The following ADAMTSL3 variants were observed in gnomAD, a reference collection of about 807,000 sequenced individuals.
ADAMTSL3 encodes the protein ADAMTS-like protein 3.
ADAMTSL3 carries 128 observed loss-of-function variants against 201.7 expected under a neutral mutation model. The ratio of observed to expected loss-of-function variants is 0.63; its 90% CI spans 0.55 to 0.73. ADAMTSL3 has a LOEUF of 0.73. Among genes scored for constraint, ADAMTSL3 ranks in the 30% least tolerant of loss-of-function variants. ADAMTSL3 has a pLI of 0.00. For missense variants in ADAMTSL3, 1,990 were observed against 2,119.6 expected (o/e 0.94, Z 1.20); for synonymous variants, 738 against 748.4 (o/e 0.99, Z 0.23).
At position 83,923,886 on chromosome 15, in the gene ADAMTSL3, C is replaced by T. The variant is rs1273531152; in HGVS notation, c.1988-18C>T. 3 of 1,609,878 alleles carry T rather than the reference C, an allele frequency of 1.9e-6. No homozygotes were observed. The highest frequency in any genetic ancestry group is 1.7e-5 in the Admixed American group (1 of 58,894). On this transcript the variant is annotated intron_variant, in intron 16 of 29. Transcript: ENST00000286744. ...TTATTCCATGTCATTTGCATTTTTT[C>T]CTCTTTCTAACCTGCAGGCCATCAA...
intron 2 of ADAMTSL3, among the ~76,000 whole-genome samples, chr15:83,674,052 G>GTT (rs35560182): frequency 0.1 from 14,198 of 136,544 alleles, 929 homozygotes; most frequent in East Asian, 0.36. Flanking sequence ...TTATTTTTAT[G>GTT]TTTTTTTTTT....
chr15:83,840,661 A>G (rs2064354602), intron 7 of ADAMTSL3, among the ~76,000 whole-genome samples: 1 of 152,210 alleles, frequency 6.6e-6, no homozygotes, highest in Non-Finnish European at 1.5e-5. Context: ...GTACAAAGAT[A>G]GAGGAGTAGC....
intron 19 of ADAMTSL3, among the ~76,000 whole-genome samples, chr15:83,945,372 G>A (rs190865617): frequency 6.6e-6 from 1 of 152,322 alleles, no homozygotes; most frequent in African/African-American, 2.4e-5. Context: ...AGGACAGGTA[G>A]AAGGTCTGTC....
chr15:83,665,552 A>G (rs553650661), intron 2 of ADAMTSL3, among the ~76,000 whole-genome samples: 2 of 152,326 alleles, frequency 1.3e-5, no homozygotes, highest in South Asian at 4.1e-4. Flanking sequence ...CATAACAGAA[A>G]AAACTTAGGC....
intron 5 of ADAMTSL3, among the ~76,000 whole-genome samples, chr15:83,804,991 C>T (rs947207814): frequency 2.0e-5 from 3 of 152,136 alleles, no homozygotes; most frequent in Admixed American, 2.0e-4. Flanking sequence ...TGTTCATTAT[C>T]TTACCTGACC....
intron 8 of ADAMTSL3, among the ~76,000 whole-genome samples, chr15:83,864,697 C>A (rs1301954513): frequency 3.3e-5 from 5 of 152,206 alleles, no homozygotes; most frequent in Admixed American, 3.3e-4. Context: ...CCTTTGAAAA[C>A]TGGCACAAGA....
chr15:83,747,426 G>C (rs1238670187), intron 3 of ADAMTSL3, among the ~76,000 whole-genome samples: 2 of 152,162 alleles, frequency 1.3e-5, no homozygotes, highest in East Asian at 1.9e-4. Flanking sequence ...AATGGTTTCA[G>C]TAAGTTTTTC....
At chr15:83,757,267 G>T (rs934289517) in intron 3 of ADAMTSL3, among the ~76,000 whole-genome samples, 1 of 152,226 alleles carries the variant, frequency 6.6e-6, no homozygotes, top group Non-Finnish European at 1.5e-5. Flanking sequence ...GGACATCCAG[G>T]TATTTCCATA....
At chr15:83,984,720 C>G (rs181560309) in intron 21 of ADAMTSL3, among the ~76,000 whole-genome samples, 155 of 152,198 alleles carry the variant, frequency 1.0e-3, no homozygotes, top group African/African-American at 3.7e-3. Flanking sequence ...TTTGAAAACC[C>G]TCCCCCTGCC....
intron 23 of ADAMTSL3, among the ~76,000 whole-genome samples, chr15:83,992,319 A>G (rs2067595819): frequency 6.6e-6 from 1 of 152,040 alleles, no homozygotes; most frequent in Non-Finnish European, 1.5e-5. Context: ...AAATTTGCTA[A>G]CCCCCAAGAT....
intron 5 of ADAMTSL3, among the ~76,000 whole-genome samples, chr15:83,815,414 T>G (rs4577047): frequency 0.13 from 20,285 of 152,202 alleles, 1,721 homozygotes; most frequent in African/African-American, 0.23. Flanking sequence ...ATATTTTTTT[T>G]TGTGTGTTCT....
chr15:83,706,143 G>T (rs180742344), intron 3 of ADAMTSL3, among the ~76,000 whole-genome samples: 2 of 152,216 alleles, frequency 1.3e-5, no homozygotes, highest in Non-Finnish European at 1.5e-5. Context: ...TTTCATATGA[G>T]AACTTCAGAG....
rs570857468 is a variant in ADAMTSL3, at chr15:84,025,374, C to T, written c.4594C>T (p.Arg1532Trp). Residue 1532 changes from arginine to tryptophan, a missense_variant, in exon 27 of 30, where the codon CGG becomes TGG. By Grantham distance (101) the Arg-to-Trp change is moderately radical. Transcript: ENST00000286744. ...VSPRACAPKD[R>W]PLGRKPCFGH... is the part of the protein sequence containing the mutation. ...TCCAAGAGCATGTGCCCCTAAAGACCGGCCTCTGGGAAGAAAACCATGTTT... is the reference window on the plus strand; with the variant it reads ...TCCAAGAGCATGTGCCCCTAAAGACTGGCCTCTGGGAAGAAAACCATGTTT... 38 of 1,614,074 alleles carry T rather than the reference C, an allele frequency of 2.4e-5. No homozygotes were observed. The highest frequency in any genetic ancestry group is 1.6e-4 in the Middle Eastern group (1 of 6,062).
At chr15:84,010,217 AT>A (rs1434224581) in intron 23 of ADAMTSL3, among the ~76,000 whole-genome samples, 1 of 152,208 alleles carries the variant, frequency 6.6e-6, no homozygotes, top group Non-Finnish European at 1.5e-5. Flanking sequence ...CCAGTGAAGT[AT>A]TTGAAGGAAT....
chr15:83,754,468 G>T (rs2062687608), intron 3 of ADAMTSL3, among the ~76,000 whole-genome samples: 1 of 152,074 alleles, frequency 6.6e-6, no homozygotes, highest in African/African-American at 2.4e-5. Flanking sequence ...ACCCAGGTTG[G>T]ATTGATTTAT....
At position 83,756,533 on chromosome 15, in the gene ADAMTSL3, GGA is replaced by G. The variant is rs574223131; in HGVS notation, c.190-16989_190-16988del. On this transcript the variant is annotated intron_variant, in intron 3 of 29. Transcript: ENST00000286744. ...CACGGGGTCCCTCCAATGACAGATG[GGA>G]ATTATGGGAGCTGCAATTTGAGATT... Among the ~76,000 whole-genome samples, 90 of 152,204 alleles carry G rather than the reference GGA, an allele frequency of 5.9e-4. No homozygotes were observed. In the South Asian group the frequency reaches 0.017, roughly 28 times the overall value.
Position 84,038,417 on chromosome 15 carries a change from G to C in ADAMTSL3, c.*611G>C, listed in dbSNP as rs936152449. 4.6e-5 allele frequency: 7 copies of C among 152,468 alleles called. No homozygotes were observed. Among genetic ancestry groups the C allele is most frequent in the African/African-American group, 1.4e-4 (6 of 41,452 alleles). 9.4% of individuals were successfully genotyped at this position (152,468 alleles called of 1,614,324 possible). The stretch of plus-strand genomic sequence containing the variant: ...TGTCCTTGCTTTTAGAACACCCATG[G>C]AAGAAAACACAGAGTAGATATTGCT... On this transcript the variant is annotated 3_prime_UTR_variant, in exon 30 of 30. Transcript: ENST00000286744.
chr15:84,034,593 A>G (rs6603016), intron 28 of ADAMTSL3, among the ~76,000 whole-genome samples: 4,455 of 152,306 alleles, frequency 0.029, 233 homozygotes, highest in African/African-American at 0.1. Flanking sequence ...AACTTCTGAA[A>G]TCAGAATCAC....
chr15:83,802,601 G>A (rs1486321995), intron 4 of ADAMTSL3, among the ~76,000 whole-genome samples: 1 of 152,198 alleles, frequency 6.6e-6, no homozygotes, highest in African/African-American at 2.4e-5. Flanking sequence ...GTCTCAAAAA[G>A]CTACATATGC....
Sources: allele counts gnomAD v4.1 joint callset (sites outside exome capture counted in the v4.1 genomes callset), GRCh38; gene constraint gnomAD v4.1.1; transcripts MANE v1.5; gene names NCBI Gene and HGNC (gene_info 2026-07-23, HGNC 2026-07-21).